GRIK2: variants seen among roughly 807,000 people sequenced by gnomAD.
The protein encoded by GRIK2 is glutamate ionotropic receptor kainate type subunit 2.
In GRIK2, 32 loss-of-function variants were observed where a neutral mutation model predicts 100.3. The observed-to-expected ratio is 0.32, with a 90% CI of 0.24 to 0.43. The LOEUF is 0.43. Ranked by LOEUF, GRIK2 falls within the 20% of genes least tolerant of loss-of-function variation. The pLI is 1.00. For synonymous variants in GRIK2, 417 were observed against 389.4 expected (o/e 1.07, Z -0.83); for missense variants, 843 against 1,114.9 (o/e 0.76, Z 3.47).
At chr6:101,873,397 C>G (rs939654421) in intron 11 of GRIK2, among the ~76,000 whole-genome samples, 2 of 151,858 alleles carry the variant, frequency 1.3e-5, no homozygotes, top group African/African-American at 4.8e-5. Context: ...TTTCCAGCTT[C>G]ATCCATGTCC....
intron 9 of GRIK2, among the ~76,000 whole-genome samples, chr6:101,810,955 A>G (rs1318049267): frequency 6.6e-6 from 1 of 152,074 alleles, no homozygotes; most frequent in African/African-American, 2.4e-5. Flanking sequence ...CCACTAGTGT[A>G]TATTCAGTCA....
At chr6:101,540,658 T>C (rs1775941707) in intron 2 of GRIK2, among the ~76,000 whole-genome samples, 1 of 151,990 alleles carries the variant, frequency 6.6e-6, no homozygotes, top group Non-Finnish European at 1.5e-5. Context: ...GCAGTTTGAA[T>C]TGCTCACTAG....
intron 11 of GRIK2, among the ~76,000 whole-genome samples, chr6:101,882,447 C>T (rs1786317721): frequency 6.6e-6 from 1 of 152,026 alleles, no homozygotes; most frequent in African/African-American, 2.4e-5. Context: ...GTTTATTTTT[C>T]ATTGTCATTA....
At chr6:101,396,456 A>G (rs554227789) in intron 1 of GRIK2, among the ~76,000 whole-genome samples, 5 of 152,274 alleles carry the variant, frequency 3.3e-5, no homozygotes, top group African/African-American at 9.6e-5. Context: ...CTGACAATCA[A>G]GTAGTTTAGT....
At chr6:101,397,026 T>C (rs1775037393) in intron 1 of GRIK2, among the ~76,000 whole-genome samples, 1 of 152,214 alleles carries the variant, frequency 6.6e-6, no homozygotes, top group Non-Finnish European at 1.5e-5. Flanking sequence ...ATAAATAGTT[T>C]AGAATACTAG....
chr6:101,763,682 CAT>C (rs1777869054), intron 7 of GRIK2, among the ~76,000 whole-genome samples: 2 of 152,192 alleles, frequency 1.3e-5, no homozygotes, highest in African/African-American at 4.8e-5. Flanking sequence ...TGAAAAATAA[CAT>C]ATTCCTGTTA....
In GRIK2 at chr6:101,596,206, CT is replaced by C. The variant is rs5878678; in HGVS notation, c.116-25732del. 1.6e-3 allele frequency among the ~76,000 whole-genome samples: 228 copies of C among 140,330 alleles called. 1 individual carries two copies. The highest frequency in any genetic ancestry group is 3.8e-3 in the Middle Eastern group (1 of 266). The allele number at this position is 140,330 out of a possible 152,430, so 92.1% of individuals were successfully genotyped here. ...TTGCAGAATTGTTTTTAAACTAATC[CT>C]TTTTTTTTTTCTTGCTGTGTCCTTT... On this transcript the variant is annotated intron_variant, in intron 2 of 16. Transcript: ENST00000369134.
At chr6:101,641,479 G>T (rs2128324539) in intron 4 of GRIK2, among the ~76,000 whole-genome samples, 1 of 151,988 alleles carries the variant, frequency 6.6e-6, no homozygotes, top group East Asian at 1.9e-4. Flanking sequence ...ATGGCTGAAG[G>T]TCAGAGAGCT....
At chr6:101,789,140 C>A (rs1351418831) in intron 7 of GRIK2, among the ~76,000 whole-genome samples, 1 of 151,988 alleles carries the variant, frequency 6.6e-6, no homozygotes, top group Non-Finnish European at 1.5e-5. Context: ...CGAAAATTTT[C>A]TCCCATTTTG....
chr6:101,464,395 C>G (rs1294093763), intron 2 of GRIK2, among the ~76,000 whole-genome samples: 3 of 151,482 alleles, frequency 2.0e-5, no homozygotes, highest in Non-Finnish European at 4.4e-5. Context: ...TATAGTCCCT[C>G]CTGAGCAGGA....
chr6:101,865,192 G>A (rs559772323), intron 11 of GRIK2, among the ~76,000 whole-genome samples: 1 of 152,324 alleles, frequency 6.6e-6, no homozygotes, highest in Non-Finnish European at 1.5e-5. Context: ...AAAATGGGAA[G>A]TCTGTTGGAA....
At chr6:101,646,422 G>C (rs958884205) in intron 4 of GRIK2, among the ~76,000 whole-genome samples, 3 of 151,780 alleles carry the variant, frequency 2.0e-5, no homozygotes, top group Admixed American at 2.0e-4. Context: ...AAGGTAAAAA[G>C]TAAGCATAAT....
Position 102,026,250 on chromosome 6 carries a change from G to A in GRIK2, c.2086-9091G>A, listed in dbSNP as rs1237335182. The stretch of plus-strand genomic sequence containing the variant: ...AAAACAAGCAACGAGAATAAATTCT[G>A]ATTATCTTTACAGAGCTTTATGGAC... On this transcript the variant is annotated intron_variant, in intron 14 of 16. Coordinates refer to ENST00000369134, the MANE Select transcript of GRIK2 (RefSeq NM_021956.5). 2.0e-5 allele frequency among the ~76,000 whole-genome samples: 3 copies of A among 149,216 alleles called. No homozygotes were observed. The Admixed American group carries it at 2.0e-4, about 10-fold the overall frequency.
At chr6:101,490,144 T>A (rs1018950580) in intron 2 of GRIK2, among the ~76,000 whole-genome samples, 1 of 141,964 alleles carries the variant, frequency 7.0e-6, no homozygotes, top group Non-Finnish European at 1.5e-5. Context: ...AACATAGACA[T>A]ACAGAGATAT....
Position 101,474,771 on chromosome 6 carries a change from G to A in GRIK2, c.115+75379G>A, listed in dbSNP as rs185123080. 3.1e-3 allele frequency among the ~76,000 whole-genome samples: 478 copies of A among 151,800 alleles called. 2 individuals carry two copies. Among genetic ancestry groups the A allele is most frequent in the Non-Finnish European group, 4.8e-3 (324 of 67,780 alleles). Reference sequence around the variant, plus strand: ...CTTTGTTAGCTACGCAAGTCATAGCGTACAAATTAGATATTAGATATCTTT... The same window carrying A: ...CTTTGTTAGCTACGCAAGTCATAGCATACAAATTAGATATTAGATATCTTT... On this transcript the variant is annotated intron_variant, in intron 2 of 16. Transcript: ENST00000369134.
At chr6:101,885,909 T>C (rs576559195) in intron 11 of GRIK2, among the ~76,000 whole-genome samples, 46 of 152,268 alleles carry the variant, frequency 3.0e-4, no homozygotes, top group South Asian at 1.9e-3. Flanking sequence ...TTATTATTGA[T>C]ACATTTATGA....
intron 2 of GRIK2, among the ~76,000 whole-genome samples, chr6:101,482,874 G>T (rs1471182452): frequency 6.6e-6 from 1 of 152,050 alleles, no homozygotes; most frequent in Non-Finnish European, 1.5e-5. Context: ...GCCCAGTGTG[G>T]ATCCCCATCT....
intron 7 of GRIK2, among the ~76,000 whole-genome samples, chr6:101,778,973 C>A (rs1035998289): frequency 2.6e-5 from 4 of 151,900 alleles, no homozygotes; most frequent in African/African-American, 9.7e-5. Context: ...TTTAACTATT[C>A]ATAGAATCTA....
At chr6:101,794,084 A>T (rs543802684) in intron 7 of GRIK2, among the ~76,000 whole-genome samples, 1 of 152,192 alleles carries the variant, frequency 6.6e-6, no homozygotes, top group African/African-American at 2.4e-5. Flanking sequence ...TTCGGGTGGG[A>T]GTGACCTGGT....
Sources: allele counts gnomAD v4.1 joint callset (sites outside exome capture counted in the v4.1 genomes callset), GRCh38; gene constraint gnomAD v4.1.1; transcripts MANE v1.5; gene names NCBI Gene and HGNC (gene_info 2026-07-23, HGNC 2026-07-21).